The following OPRM1 variants were observed in gnomAD, a reference collection of about 807,000 sequenced individuals.
The protein encoded by OPRM1 is opioid receptor mu 1.
In OPRM1, 27 loss-of-function variants were observed where a neutral mutation model predicts 31.8. The observed-to-expected ratio is 0.85, with a 90% CI of 0.63 to 1.17. The LOEUF (loss-of-function observed/expected upper bound fraction) is 1.17, where lower values mean the gene tolerates loss of function less well. Ranked by LOEUF, OPRM1 falls within the 50% of genes most tolerant of loss-of-function variation. The probability of loss-of-function intolerance (pLI) is 0.00; values close to 1 mark genes in which losing one functional copy is unlikely to be tolerated. For missense variants in OPRM1, 536 were observed against 511.1 expected, an observed-to-expected ratio of 1.05 and a Z score of -0.47; for synonymous variants, 196 against 189.9, an observed-to-expected ratio of 1.03 and a Z score of -0.26.
In OPRM1 at chr6:154,168,807, TG is replaced by T. The variant is rs1799641678; in HGVS notation, c.1164+77336del. 6.6e-6 allele frequency among the ~76,000 whole-genome samples: 1 copy of T among 151,962 alleles called. No individual in the cohort carries two copies. The highest frequency in any genetic ancestry group is 2.4e-5 in the African/African-American group (1 of 41,406). Reference sequence around the variant, plus strand: ...TTTTAGTACAGACAGGGTTTCACCATGTTGCCCAGGCTGGTCTTGAACTCCT... The same window carrying T: ...TTTTAGTACAGACAGGGTTTCACCATTTGCCCAGGCTGGTCTTGAACTCCT... On this transcript the variant is annotated intron_variant, in intron 3 of 3. Transcript: ENST00000337049. This position sits in a 1 kb window ranked among gnomAD's most constrained non-coding sequence, Gnocchi z 4.1.
intron 3 of OPRM1, among the ~76,000 whole-genome samples, chr6:154,220,379 C>T (rs1778766502): frequency 6.6e-6 from 1 of 152,192 alleles, no homozygotes; most frequent in African/African-American, 2.4e-5. Flanking sequence ...CATTGTTGAC[C>T]AGGTGCGGTG....
chr6:154,215,313 T>C (rs1206675995), intron 3 of OPRM1, among the ~76,000 whole-genome samples: 2 of 152,022 alleles, frequency 1.3e-5, no homozygotes, highest in Non-Finnish European at 2.9e-5. Flanking sequence ...ATAGAAAATA[T>C]ATAACAAATT....
intron 3 of OPRM1, chr6:154,214,320 C>T (rs926260244): frequency 3.8e-6 from 5 of 1,330,166 alleles, no homozygotes; most frequent in Non-Finnish European, 5.4e-6. Context: ...AGAGATTAGC[C>T]CCCCACCCAT....
intron 3 of OPRM1, among the ~76,000 whole-genome samples, chr6:154,184,797 G>A (rs1344976393): frequency 6.6e-6 from 1 of 152,052 alleles, no homozygotes; most frequent in Non-Finnish European, 1.5e-5. Flanking sequence ...ATTTTATCAA[G>A]TATAGTATCT....
At chr6:154,073,697 A>G (rs1787269451) in intron 1 of OPRM1, 1 of 152,300 alleles carries the variant, frequency 6.6e-6, no homozygotes, top group Admixed American at 6.5e-5. Context: ...AAAAGCAGTC[A>G]CACAAGGACT....
chr6:154,013,905 T>G (rs932485555), intron 1 of OPRM1, among the ~76,000 whole-genome samples: 2 of 152,082 alleles, frequency 1.3e-5, no homozygotes, highest in African/African-American at 4.8e-5. Context: ...TCCAGCTCAT[T>G]CTATTGGGGA....
intron 1 of OPRM1, among the ~76,000 whole-genome samples, chr6:154,061,390 A>C (rs553968590): frequency 2.6e-5 from 4 of 152,246 alleles, no homozygotes; most frequent in African/African-American, 9.6e-5. Context: ...GTTTGTCACC[A>C]GACTTAGGAG....
chr6:154,229,264 T>C (rs1276187282), intron 3 of OPRM1, among the ~76,000 whole-genome samples: 1 of 152,000 alleles, frequency 6.6e-6, no homozygotes, highest in Non-Finnish European at 1.5e-5. Context: ...ATTTTTTGAA[T>C]GAATGAATGA....
chr6:154,122,179 A>G lies in OPRM1; in HGVS notation c.*3458A>G, dbSNP rs1167880807. Among the ~76,000 whole-genome samples, 1 of 152,214 alleles carries G rather than the reference A, an allele frequency of 6.6e-6. No homozygotes were observed. The highest frequency in any genetic ancestry group is 1.5e-5 in the Non-Finnish European group (1 of 68,016). On this transcript the variant is annotated 3_prime_UTR_variant, in exon 4 of 4. Transcript: ENST00000330432. ...CACACACACAAGTTGTGTTTGTACA[A>G]TTCTTGAGGTCAATCAGAACCAAAA...
At chr6:154,090,754 T>C (rs1271869082) in intron 2 of OPRM1, among the ~76,000 whole-genome samples, 198 bp from the exon 3 acceptor site, 1 of 152,116 alleles carries the variant, frequency 6.6e-6, no homozygotes, top group Admixed American at 6.5e-5. Context: ...AATGGGAAAT[T>C]TAGAAAAAAA....
intron 3 of OPRM1, among the ~76,000 whole-genome samples, chr6:154,098,155 CT>C (rs1562468397): frequency 6.6e-6 from 1 of 152,186 alleles, no homozygotes; most frequent in African/African-American, 2.4e-5. Flanking sequence ...ATAACCCAGG[CT>C]TTTAATCAAT....
intron 3 of OPRM1, among the ~76,000 whole-genome samples, chr6:154,163,011 C>T (rs1443002212): frequency 1.3e-5 from 2 of 152,226 alleles, no homozygotes; most frequent in East Asian, 3.8e-4. Context: ...AGAGCAAACA[C>T]TGGAGTCATT....
chr6:154,123,456 C>G lies in OPRM1; in HGVS notation c.*4735C>G, dbSNP rs1250779419. Among the ~76,000 whole-genome samples, 1 of 152,184 alleles carries G rather than the reference C, an allele frequency of 6.6e-6. No individual in the cohort carries two copies. Among genetic ancestry groups the G allele is most frequent in the Non-Finnish European group, 1.5e-5 (1 of 68,032 alleles). ...CTGTAGCTATGATTTTTCAGGCAGCCTGCTTCTCCGAGGACTAGTCTTAGC... is the reference window on the plus strand; with the variant it reads ...CTGTAGCTATGATTTTTCAGGCAGCGTGCTTCTCCGAGGACTAGTCTTAGC... On this transcript the variant is annotated 3_prime_UTR_variant, in exon 4 of 4. Coordinates refer to ENST00000330432, the MANE Select transcript of OPRM1 (RefSeq NM_000914.5).
chr6:154,212,673 TA>T, intron 3 of OPRM1: 1 of 797,694 alleles, frequency 1.3e-6, no homozygotes. Flanking sequence ...TAGCCCATTC[TA>T]AAAATTTATT....
chr6:154,114,543 A>G (rs765523660), intron 3 of OPRM1, among the ~76,000 whole-genome samples: 5 of 152,164 alleles, frequency 3.3e-5, no homozygotes, highest in Non-Finnish European at 7.4e-5. Flanking sequence ...AGCCCAGTAA[A>G]CATGTTTTGG....
intron 1 of OPRM1, chr6:154,073,526 A>C (rs1317322172): frequency 6.6e-6 from 1 of 152,266 alleles, no homozygotes; most frequent in African/African-American, 2.4e-5. Flanking sequence ...CAGGCTGCAC[A>C]AGCAGAAGCA....
At chr6:154,188,774 G>A (rs973731417) in intron 3 of OPRM1, among the ~76,000 whole-genome samples, 5 of 152,182 alleles carry the variant, frequency 3.3e-5, no homozygotes, top group Admixed American at 1.3e-4. Context: ...GAAAAATGGC[G>A]TGTACAGAAA....
In OPRM1 at chr6:154,191,027, GC is replaced by G. The variant is rs563150412; in HGVS notation, c.1165-55664del. Among the ~76,000 whole-genome samples, 177 of 152,236 alleles carry G rather than the reference GC, an allele frequency of 1.2e-3. 1 individual carries two copies. The highest frequency in any genetic ancestry group is 3.3e-3 in the Admixed American group (51 of 15,282). ...GCCGAGATCGCGCCACTGCACTGCA[GC>G]CTGGACGACAGAGAGAGACTCCATC... On this transcript the variant is annotated intron_variant, in intron 3 of 3. Transcript: ENST00000337049.
At chr6:154,075,342 G>A (rs1428946306) in intron 1 of OPRM1, among the ~76,000 whole-genome samples, 1 of 152,076 alleles carries the variant, frequency 6.6e-6, no homozygotes, top group African/African-American at 2.4e-5. Flanking sequence ...CAATAGGAAT[G>A]AGACAAAGTA....
Sources: gnomAD v4.1 joint callset for allele counts (sites outside exome capture counted in the v4.1 genomes callset) on GRCh38, gnomAD v4.1.1 for gene constraint, Gnocchi (gnomAD v3.1) non-coding constraint, MANE v1.5 for transcripts, NCBI Gene and HGNC (gene_info 2026-07-23, HGNC 2026-07-21) for gene names.